TAFA4: variants seen among roughly 807,000 people sequenced by gnomAD.
TAFA4 encodes the protein chemokine-like protein TAFA-4.
A neutral mutation model predicts 21.1 loss-of-function variants in TAFA4; 20 were observed. The observed-to-expected ratio is 0.95, with a 90% confidence interval of 0.67 to 1.38. The LOEUF is 1.38. TAFA4 is among the 40% of genes most tolerant of loss of function. TAFA4 has a pLI of 0.00. For synonymous variants in TAFA4, 71 were observed against 67.4 expected (o/e 1.05, Z -0.26); for missense variants, 211 against 180.9 (o/e 1.17, Z -0.95).
chr3:68,795,555 T>C (rs962290543), intron 3 of TAFA4, among the ~76,000 whole-genome samples: 1 of 151,978 alleles, frequency 6.6e-6, no homozygotes, highest in East Asian at 1.9e-4. Flanking sequence ...TTGACTAGAG[T>C]TCATTGCTCT....
chr3:68,754,002 A>G (rs768318263), intron 3 of TAFA4, among the ~76,000 whole-genome samples: 7 of 152,212 alleles, frequency 4.6e-5, no homozygotes, highest in Non-Finnish European at 1.0e-4. Context: ...TTAGTTGGCA[A>G]TTGCTGTTGT....
intron 3 of TAFA4, among the ~76,000 whole-genome samples, chr3:68,776,745 A>G (rs1703056519): frequency 6.6e-6 from 1 of 152,202 alleles, no homozygotes; most frequent in Non-Finnish European, 1.5e-5. Context: ...AATAGACCAT[A>G]TTGTGGAACA....
At chr3:68,768,869 CAT>C (rs1416497239) in intron 3 of TAFA4, among the ~76,000 whole-genome samples, 1 of 152,134 alleles carries the variant, frequency 6.6e-6, no homozygotes, top group African/African-American at 2.4e-5. Flanking sequence ...TGATCTGACT[CAT>C]ATGTGCAATC....
At chr3:68,897,637 A>C (rs557437424) in intron 1 of TAFA4, among the ~76,000 whole-genome samples, 1 of 151,686 alleles carries the variant, frequency 6.6e-6, no homozygotes, top group Non-Finnish European at 1.5e-5. Context: ...AAAAAAAAAA[A>C]ATATTTATTT....
At chr3:68,879,358 G>A (rs1420598739) in intron 3 of TAFA4, among the ~76,000 whole-genome samples, 1 of 152,074 alleles carries the variant, frequency 6.6e-6, no homozygotes, top group East Asian at 1.9e-4. Context: ...ATGCCACATG[G>A]ACATTGCAAG....
At position 68,756,356 on chromosome 3, in the gene TAFA4, C is replaced by T. The variant is rs189959576; in HGVS notation, c.131-3338G>A. ...TGTGTTCATGATTTTCAGATACATCCATTTACATATAAATTGTTGTGTGAA... is the reference window on the plus strand; with the variant it reads ...TGTGTTCATGATTTTCAGATACATCTATTTACATATAAATTGTTGTGTGAA... On this transcript the variant is annotated intron_variant, in intron 3 of 5. Coordinates refer to ENST00000295569, the MANE Select transcript of TAFA4 (RefSeq NM_182522.5). 1.6e-3 allele frequency among the ~76,000 whole-genome samples: 241 copies of T among 152,248 alleles called. 1 individual carries two copies. The highest frequency in any genetic ancestry group is 2.2e-3 in the Non-Finnish European group (151 of 68,014).
chr3:68,846,000 T>C (rs1157776545), intron 3 of TAFA4, among the ~76,000 whole-genome samples: 1 of 152,162 alleles, frequency 6.6e-6, no homozygotes, highest in Non-Finnish European at 1.5e-5. Flanking sequence ...GTCTTGGGGT[T>C]GGTCGTCTTG....
chr3:68,907,029 C>T (rs2089907381), intron 1 of TAFA4, among the ~76,000 whole-genome samples: 1 of 44,442 alleles, frequency 2.3e-5, no homozygotes, highest in Non-Finnish European at 3.8e-5. Flanking sequence ...GAGAGCCCGT[C>T]TCAAAAAAAA....
chr3:68,882,467 C>T (rs1458575380), intron 2 of TAFA4, among the ~76,000 whole-genome samples: 4 of 152,164 alleles, frequency 2.6e-5, no homozygotes, highest in Non-Finnish European at 4.4e-5. Context: ...CTGCCGTGGT[C>T]GCAGCTGCCC....
At chr3:68,847,280 G>A (rs372952862) in intron 3 of TAFA4, among the ~76,000 whole-genome samples, 4 of 152,184 alleles carry the variant, frequency 2.6e-5, no homozygotes, top group Admixed American at 1.3e-4. Flanking sequence ...AGTGGGCTCC[G>A]CCCAGTTTGA....
intron 3 of TAFA4, among the ~76,000 whole-genome samples, chr3:68,770,330 A>T (rs1394101167): frequency 6.6e-6 from 1 of 152,234 alleles, no homozygotes; most frequent in African/African-American, 2.4e-5. Context: ...AGTTTGTGAC[A>T]GCTCAGGACA....
chr3:68,829,251 C>T (rs2106875570), intron 3 of TAFA4, among the ~76,000 whole-genome samples: 1 of 152,226 alleles, frequency 6.6e-6, no homozygotes, highest in African/African-American at 2.4e-5. Context: ...ACCACACATC[C>T]ACAACCATCT....
At chr3:68,852,573 G>A (rs544498290) in intron 3 of TAFA4, among the ~76,000 whole-genome samples, 2 of 152,252 alleles carry the variant, frequency 1.3e-5, no homozygotes, top group Admixed American at 6.5e-5. Flanking sequence ...CCAACTCAGG[G>A]TATGGAGAAC....
chr3:68,831,760 A>G (rs1427807434), intron 3 of TAFA4, among the ~76,000 whole-genome samples: 2 of 152,162 alleles, frequency 1.3e-5, no homozygotes. Flanking sequence ...TCTCCTGGAT[A>G]ATATCCTGAA....
intron 3 of TAFA4, among the ~76,000 whole-genome samples, chr3:68,773,785 C>G (rs4484195): frequency 0.69 from 104,520 of 152,002 alleles, 36,452 homozygotes; most frequent in East Asian, 0.98. Flanking sequence ...ATAAAATTTT[C>G]GTTTGACAGA....
At chr3:68,880,114 T>C (rs2089599337) in intron 3 of TAFA4, among the ~76,000 whole-genome samples, 1 of 151,174 alleles carries the variant, frequency 6.6e-6, no homozygotes, top group Non-Finnish European at 1.5e-5. Flanking sequence ...ATGGTTTTGA[T>C]CTCGCCTTTA....
In TAFA4 at chr3:68,735,181, G is replaced by A. The variant is rs546118910; in HGVS notation, c.412-2028C>T. Among the ~76,000 whole-genome samples, 35 of 103,894 alleles carry A rather than the reference G, an allele frequency of 3.4e-4. 1 individual carries two copies. The South Asian group carries it at 0.013, about 38-fold the overall frequency. The allele number at this position is 103,894 out of a possible 152,430, so 68.2% of individuals were successfully genotyped here. Reference sequence around the variant, plus strand: ...CTGAGCTGGACATTAAAAGACAAGTGGAATTTTAGAAGGGCAAGTGGAAAA... The same window carrying A: ...CTGAGCTGGACATTAAAAGACAAGTAGAATTTTAGAAGGGCAAGTGGAAAA... On this transcript the variant is annotated intron_variant, in intron 5 of 5. Transcript: ENST00000295569.
chr3:68,907,454 A>T (rs184700406), intron 1 of TAFA4, among the ~76,000 whole-genome samples: 239 of 152,350 alleles, frequency 1.6e-3, no homozygotes, highest in African/African-American at 5.5e-3. Flanking sequence ...AAAGAGCTAC[A>T]AAAGGGCTAT....
chr3:68,775,299 G>C (rs912891252), intron 3 of TAFA4, among the ~76,000 whole-genome samples: 1 of 152,174 alleles, frequency 6.6e-6, no homozygotes, highest in Admixed American at 6.5e-5. Flanking sequence ...ACTAGGCAGT[G>C]TAGGTTTAGA....
Sources: allele counts gnomAD v4.1 joint callset (sites outside exome capture counted in the v4.1 genomes callset), GRCh38; gene constraint gnomAD v4.1.1; transcripts MANE v1.5; gene names NCBI Gene and HGNC (gene_info 2026-07-23, HGNC 2026-07-21).